The following POU6F2 variants were observed in gnomAD, a reference collection of about 807,000 sequenced individuals.
POU6F2 encodes the protein POU class 6 homeobox 2.
In POU6F2, 31 loss-of-function variants were observed where a neutral mutation model predicts 71.3. The observed-to-expected ratio is 0.43, with a 90% CI of 0.33 to 0.59. The LOEUF (loss-of-function observed/expected upper bound fraction) is 0.59, where lower values mean the gene tolerates loss of function less well. Ranked by LOEUF, POU6F2 falls within the 20% of genes least tolerant of loss-of-function variation. The probability of loss-of-function intolerance (pLI) is 0.04; values close to 1 mark genes in which losing one functional copy is unlikely to be tolerated. For synonymous variants in POU6F2, 347 were observed against 355.7 expected, an observed-to-expected ratio of 0.98 and a Z score of 0.27; for missense variants, 783 against 856.8, an observed-to-expected ratio of 0.91 and a Z score of 1.07.
At chr7:39,363,526 T>G (rs530083060) in intron 5 of POU6F2, among the ~76,000 whole-genome samples, 1 of 151,442 alleles carries the variant, frequency 6.6e-6, no homozygotes, top group Non-Finnish European at 1.5e-5. Context: ...ACTGCTGGTA[T>G]GTAAAGCCAG....
intron 4 of POU6F2, among the ~76,000 whole-genome samples, chr7:39,277,771 G>T (rs763286497): frequency 5.3e-5 from 8 of 151,960 alleles, no homozygotes; most frequent in Non-Finnish European, 1.2e-4. Context: ...ATAGAAAAAG[G>T]TCGGGGGCCA....
chr7:39,326,759 G>A (rs188988792), intron 4 of POU6F2, among the ~76,000 whole-genome samples: 4 of 152,162 alleles, frequency 2.6e-5, no homozygotes, highest in Admixed American at 6.5e-5. Context: ...AGGCTTATTC[G>A]AGGAGCAGAA....
intron 4 of POU6F2, among the ~76,000 whole-genome samples, chr7:39,224,318 G>T (rs932754100): frequency 6.6e-6 from 1 of 151,666 alleles, no homozygotes; most frequent in Non-Finnish European, 1.5e-5. Context: ...CGAAAGCCTG[G>T]CTCTGAGAAT....
chr7:39,214,763 C>A (rs1399236605), intron 4 of POU6F2, among the ~76,000 whole-genome samples: 2 of 152,102 alleles, frequency 1.3e-5, no homozygotes, highest in Admixed American at 6.5e-5. Flanking sequence ...GAGAAGAAGG[C>A]ATGAGGAGAC....
intron 1 of POU6F2, among the ~76,000 whole-genome samples, chr7:39,000,005 G>A (rs1788855412): frequency 6.6e-6 from 1 of 152,106 alleles, no homozygotes; most frequent in African/African-American, 2.4e-5. Flanking sequence ...TTCATAATGA[G>A]AGATTTTTTA....
At chr7:39,392,456 G>T (rs1355080357) in intron 5 of POU6F2, among the ~76,000 whole-genome samples, 1 of 152,326 alleles carries the variant, frequency 6.6e-6, no homozygotes, top group East Asian at 1.9e-4. Flanking sequence ...CTTCAGAGAA[G>T]CTGAGCGTTC....
At chr7:39,085,785 G>A in intron 1 of POU6F2, 75 bp from the exon 2 acceptor site, 1 of 1,420,912 alleles carries the variant, frequency 7.0e-7, no homozygotes, top group East Asian at 2.4e-5. Context: ...GAGAGAGGGA[G>A]AGGGAGAGAG....
chr7:39,248,522 A>G (rs1783859795), intron 4 of POU6F2, among the ~76,000 whole-genome samples: 1 of 152,176 alleles, frequency 6.6e-6, no homozygotes, highest in Non-Finnish European at 1.5e-5. Flanking sequence ...GCGCCCAGAG[A>G]TCACAGAAAT....
chr7:39,382,105 A>G (rs1485488282), intron 5 of POU6F2, among the ~76,000 whole-genome samples: 6 of 152,150 alleles, frequency 3.9e-5, no homozygotes, highest in Non-Finnish European at 8.8e-5. Flanking sequence ...TGTCATGTAC[A>G]TTATTTAAAG....
intron 2 of POU6F2, among the ~76,000 whole-genome samples, chr7:39,141,577 T>C (rs553379862): frequency 3.9e-4 from 59 of 152,368 alleles, no homozygotes; most frequent in African/African-American, 1.1e-3. Flanking sequence ...TTTAATGCTT[T>C]CCACTTCAAC....
chr7:39,204,133 T>C lies in POU6F2; in HGVS notation c.278-102T>C, dbSNP rs192834653. On this transcript the variant is annotated intron_variant, in intron 2 of 9. Transcript: ENST00000518318. ...ATAAGTGATTTGAGCACTGGAGATA[T>C]TGATAAACCACTCTGTCATATCATC... 6.0e-6 allele frequency: 6 copies of C among 1,004,470 alleles called. No individual in the cohort carries two copies. In the Admixed American group the frequency reaches 1.2e-4, roughly 20 times the overall value. 62.2% of individuals were successfully genotyped at this position (1,004,470 alleles called of 1,614,324 possible). A position where few individuals can be genotyped will look rare whatever the true frequency, so the allele number is the denominator to read the frequency against.
At chr7:38,990,930 A>T (rs934407632) in intron 1 of POU6F2, among the ~76,000 whole-genome samples, 2 of 152,126 alleles carry the variant, frequency 1.3e-5, no homozygotes, top group African/African-American at 4.8e-5. Context: ...GATTTTGTGC[A>T]TTAAGATCTT....
chr7:39,012,411 A>G (rs1229214587), intron 1 of POU6F2, among the ~76,000 whole-genome samples: 4 of 149,026 alleles, frequency 2.7e-5, no homozygotes, highest in Non-Finnish European at 6.0e-5. Context: ...TGGTTATTCT[A>G]GTTATACATT....
intron 4 of POU6F2, among the ~76,000 whole-genome samples, chr7:39,320,641 C>G (rs1785368590): frequency 6.6e-6 from 1 of 152,058 alleles, no homozygotes; most frequent in South Asian, 2.1e-4. Flanking sequence ...GTTCCAACAC[C>G]CCCAGTGGTT....
At chr7:39,242,018 A>T (rs976084696) in intron 4 of POU6F2, among the ~76,000 whole-genome samples, 1 of 152,024 alleles carries the variant, frequency 6.6e-6, no homozygotes, top group Non-Finnish European at 1.5e-5. Flanking sequence ...CATATTTGAG[A>T]TTCATCTATG....
chr7:39,383,455 A>G (rs558339493), intron 5 of POU6F2, among the ~76,000 whole-genome samples: 18 of 152,260 alleles, frequency 1.2e-4, no homozygotes, highest in African/African-American at 4.3e-4. Flanking sequence ...TTATTCTTAT[A>G]AGGAAAATGT....
intron 4 of POU6F2, among the ~76,000 whole-genome samples, chr7:39,316,355 A>G (rs1785267771): frequency 1.3e-5 from 2 of 152,194 alleles, no homozygotes; most frequent in African/African-American, 2.4e-5. Context: ...GATCTTATTC[A>G]GAGTTTCATG....
intron 4 of POU6F2, among the ~76,000 whole-genome samples, chr7:39,330,843 C>A (rs1785630736): frequency 2.0e-5 from 3 of 152,038 alleles, no homozygotes; most frequent in Non-Finnish European, 4.4e-5. Flanking sequence ...TTACTGTTAC[C>A]CAGTCACCCT....
intron 7 of POU6F2, among the ~76,000 whole-genome samples, chr7:39,434,493 G>A (rs990546240): frequency 2.6e-5 from 4 of 151,982 alleles, no homozygotes; most frequent in African/African-American, 7.3e-5. Context: ...AATAGTGCCT[G>A]GCATACAGTA....
Sources: gnomAD v4.1 joint callset for allele counts (sites outside exome capture counted in the v4.1 genomes callset) on GRCh38, gnomAD v4.1.1 for gene constraint, MANE v1.5 for transcripts, NCBI Gene and HGNC (gene_info 2026-07-23, HGNC 2026-07-21) for gene names.